The following CACNB2 variants were observed in gnomAD, a reference collection of about 807,000 sequenced individuals.
The protein encoded by CACNB2 is voltage-dependent L-type calcium channel subunit beta-2.
CACNB2 carries 42 observed loss-of-function variants against 73.3 expected under a neutral mutation model. The ratio of observed to expected loss-of-function variants is 0.57; its 90% CI spans 0.45 to 0.74. The LOEUF (loss-of-function observed/expected upper bound fraction) is 0.74. CACNB2 is among the 30% of genes least tolerant of loss of function. The pLI is 0.00. For synonymous variants in CACNB2, 348 were observed against 310.3 expected (o/e 1.12, Z -1.28); for missense variants, 940 against 853.0 (o/e 1.10, Z -1.27).
intron 3 of CACNB2, among the ~76,000 whole-genome samples, chr10:18,451,747 C>T (rs950187665): frequency 4.6e-5 from 7 of 152,316 alleles, no homozygotes; most frequent in African/African-American, 1.7e-4. Context: ...TCACCCATCA[C>T]GTAGTTCGTT....
At chr10:18,236,564 G>A (rs1275053744) in intron 2 of CACNB2, among the ~76,000 whole-genome samples, 2 of 152,328 alleles carry the variant, frequency 1.3e-5, no homozygotes, top group African/African-American at 2.4e-5. Flanking sequence ...AATGCCAATT[G>A]TTGGTATTAG....
chr10:18,353,322 A>G (rs1483234574), intron 2 of CACNB2, among the ~76,000 whole-genome samples: 1 of 152,062 alleles, frequency 6.6e-6, no homozygotes, highest in Admixed American at 6.6e-5. Flanking sequence ...AGGCAGGAGA[A>G]TCGCTTGAAC....
In CACNB2 at chr10:18,498,475, G is replaced by A. The variant is rs267602433; in HGVS notation, c.454G>A (p.Glu152Lys). ...AGCAAAAGATTTTCTGCATGTTAAG[G>A]AAGTAAGGAGAATAATTTCATTTTC... ...FEAKDFLHVK[E>K]KFNNDWWIGR... The change falls in exon 4 of 14, where the codon GAA becomes AAA. Residue 152 changes from glutamate to lysine, a missense_variant and splice_region_variant. Glu to Lys is a moderately conservative substitution (Grantham distance 56). Coordinates refer to ENST00000324631, the MANE Select transcript of CACNB2 (RefSeq NM_201596.3). The A allele has an allele frequency of 6.2e-7, 1 of 1,613,948 alleles. No individual in the cohort carries two copies. Among genetic ancestry groups the A allele is most frequent in the Non-Finnish European group, 8.5e-7 (1 of 1,179,896 alleles).
intron 2 of CACNB2, among the ~76,000 whole-genome samples, chr10:18,208,209 G>A (rs2035174150): frequency 6.6e-6 from 1 of 152,158 alleles, no homozygotes; most frequent in Admixed American, 6.6e-5. Context: ...GCTCATGCCT[G>A]TAACCTCAGC....
chr10:18,507,160 T>C (rs1161045129), intron 6 of CACNB2, among the ~76,000 whole-genome samples: 1 of 152,140 alleles, frequency 6.6e-6, no homozygotes, highest in Non-Finnish European at 1.5e-5. Context: ...AATGGGTGAA[T>C]ACTTGCCAAC....
intron 2 of CACNB2, among the ~76,000 whole-genome samples, chr10:18,267,869 G>A (rs938049369): frequency 6.6e-6 from 1 of 152,120 alleles, no homozygotes; most frequent in South Asian, 2.1e-4. Context: ...CCGGGGCAGC[G>A]GCCCAGCCTT....
At chr10:18,155,413 T>G (rs1383042649) in intron 2 of CACNB2, among the ~76,000 whole-genome samples, 1 of 152,248 alleles carries the variant, frequency 6.6e-6, no homozygotes, top group African/African-American at 2.4e-5. Flanking sequence ...GGTGTGATTT[T>G]ACAGCATTCC....
chr10:18,208,539 G>A (rs959815223), intron 2 of CACNB2, among the ~76,000 whole-genome samples: 1 of 152,066 alleles, frequency 6.6e-6, no homozygotes, highest in Non-Finnish European at 1.5e-5. Context: ...TTGAGCCCAG[G>A]AGTTGGAGGC....
In CACNB2 at chr10:18,518,948, A is replaced by T. The variant is rs1407806193; in HGVS notation, c.924A>T (p.Leu308Phe). 5.6e-6 allele frequency: 9 copies of T among 1,613,798 alleles called. No individual in the cohort carries two copies. Among genetic ancestry groups the T allele is most frequent in the Middle Eastern group, 1.6e-4 (1 of 6,082 alleles). Reference protein sequence around the residue: ...DMMQKALFDFLKHRFEGRISI... With the variant: ...DMMQKALFDFFKHRFEGRISI... ...TGCAAAAAGCGCTGTTTGATTTTTT[A>T]AAACACAGATTTGAAGGGCGGTGAG... The change falls in exon 9 of 14, where the codon TTA becomes TTT. Residue 308 changes from leucine (L) to phenylalanine (F), a missense_variant. By Grantham distance (22) the Leu-to-Phe change is conservative. Coordinates refer to ENST00000324631, the MANE Select transcript of CACNB2 (RefSeq NM_201596.3).
intron 2 of CACNB2, among the ~76,000 whole-genome samples, chr10:18,396,852 A>C (rs12258178): frequency 0.046 from 7,063 of 152,260 alleles, 417 homozygotes; most frequent in African/African-American, 0.12. Context: ...CCTATGCATG[A>C]GGAGGTGGTC....
rs189974483 is a variant in CACNB2 at position 18,367,500 on chromosome 10, A to G, written c.214-34424A>G. On this transcript the variant is annotated intron_variant, in intron 2 of 13. Transcript: ENST00000324631. ...TAAAAGTAATTGAATTGAGAATTGT[A>G]TATGTTATAAAACTTTGGATGATTT... Among the ~76,000 whole-genome samples the G allele has an allele frequency of 5.8e-4, 88 of 152,320 alleles. 1 individual carries two copies. The highest frequency in any genetic ancestry group is 3.4e-3 in the Middle Eastern group (1 of 290).
chr10:18,231,145 G>A (rs2036209793), intron 2 of CACNB2, among the ~76,000 whole-genome samples: 1 of 152,114 alleles, frequency 6.6e-6, no homozygotes. Flanking sequence ...TTGCCATAAT[G>A]CATGGCTTGT....
intron 2 of CACNB2, among the ~76,000 whole-genome samples, chr10:18,188,183 G>A (rs2034237286): frequency 6.6e-6 from 1 of 152,056 alleles, no homozygotes; most frequent in Admixed American, 6.6e-5. Context: ...CATTTTGCTT[G>A]CTTATCTCCT....
intron 3 of CACNB2, among the ~76,000 whole-genome samples, chr10:18,428,955 A>T (rs2209588): frequency 0.89 from 135,602 of 152,216 alleles, 60,746 homozygotes; most frequent in African/African-American, 0.97. Flanking sequence ...TTACCATTTA[A>T]CTTTTAAAAG....
intron 2 of CACNB2, among the ~76,000 whole-genome samples, chr10:18,215,284 A>G (rs1211516781): frequency 3.3e-5 from 5 of 152,112 alleles, no homozygotes; most frequent in African/African-American, 9.7e-5. Flanking sequence ...CGTCACATTC[A>G]TCTAAGTGAG....
At chr10:18,452,820 T>C (rs974923322) in intron 3 of CACNB2, among the ~76,000 whole-genome samples, 1 of 152,226 alleles carries the variant, frequency 6.6e-6, no homozygotes, top group African/African-American at 2.4e-5. Context: ...TTGCTGACTC[T>C]AGTCATTCCT....
At chr10:18,283,125 T>A (rs1044011342) in intron 2 of CACNB2, among the ~76,000 whole-genome samples, 1 of 152,132 alleles carries the variant, frequency 6.6e-6, no homozygotes, top group Non-Finnish European at 1.5e-5. Context: ...AATGAGATAC[T>A]ATCTCACACC....
At chr10:18,207,408 A>G (rs1193852596) in intron 2 of CACNB2, among the ~76,000 whole-genome samples, 1 of 152,210 alleles carries the variant, frequency 6.6e-6, no homozygotes, top group Non-Finnish European at 1.5e-5. Flanking sequence ...ATTAAACTGT[A>G]TCATAGGTGT....
In CACNB2 at chr10:18,539,392, A is replaced by G; in HGVS notation, c.1651A>G (p.Arg551Gly). 6.2e-7 allele frequency: 1 copy of G among 1,614,032 alleles called. No individual in the cohort carries two copies. The highest frequency in any genetic ancestry group is 8.5e-7 in the Non-Finnish European group (1 of 1,179,990). The change falls in exon 14 of 14, where the codon AGG becomes GGG. Residue 551 changes from arginine (R) to glycine (G), a missense_variant. By Grantham distance (125) the Arg-to-Gly change is moderately radical. Transcript: ENST00000324631. The part of the protein sequence containing the change: ...HRSGTSRGLS[R>G]QETFDSETQE... ...CAGTGGGACAAGTCGCGGCCTCTCC[A>G]GGCAAGAGACATTTGACTCGGAAAC...
Sources: gnomAD v4.1 joint callset for allele counts (sites outside exome capture counted in the v4.1 genomes callset) on GRCh38, gnomAD v4.1.1 for gene constraint, MANE v1.5 for transcripts, NCBI Gene and HGNC (gene_info 2026-07-23, HGNC 2026-07-21) for gene names.